Variants in MYO5C observed in about 807,000 individuals in gnomAD.
MYO5C encodes the protein unconventional myosin-Vc.
A neutral mutation model predicts 235.7 loss-of-function variants in MYO5C; 194 were observed. The observed-to-expected ratio is 0.82, with a 90% CI of 0.73 to 0.93. The LOEUF (loss-of-function observed/expected upper bound fraction) is 0.93, where lower values mean the gene tolerates loss of function less well. Ranked by LOEUF, MYO5C falls within the 40% of genes least tolerant of loss-of-function variation. The pLI, the probability that MYO5C is intolerant of heterozygous loss-of-function variation, is 0.00. For synonymous variants in MYO5C, 707 were observed against 754.8 expected, an observed-to-expected ratio of 0.94 and a Z score of 1.04; for missense variants, 2,038 against 2,127.2, an observed-to-expected ratio of 0.96 and a Z score of 0.82.
At chr15:52,251,212 A>G (rs2036465349) in intron 13 of MYO5C, 178 bp downstream of exon 13, 1 of 450,754 alleles carries the variant, frequency 2.2e-6, no homozygotes, top group Non-Finnish European at 3.7e-6. Flanking sequence ...AAAGTAGTAC[A>G]GTTGGAACTC....
intron 35 of MYO5C, among the ~76,000 whole-genome samples, chr15:52,210,455 T>A (rs1347516757): frequency 6.6e-6 from 1 of 152,190 alleles, no homozygotes; most frequent in East Asian, 1.9e-4. Flanking sequence ...CCCCTTCCAA[T>A]ATGGATCAGT....
At chr15:52,203,864 A>C (rs1281563659) in intron 38 of MYO5C, among the ~76,000 whole-genome samples, 1 of 152,080 alleles carries the variant, frequency 6.6e-6, no homozygotes, top group Non-Finnish European at 1.5e-5. Context: ...TAGCTCCCAC[A>C]AATAAGTGAG....
intron 16 of MYO5C, among the ~76,000 whole-genome samples, chr15:52,246,568 A>C (rs2036349391): frequency 6.6e-6 from 1 of 152,236 alleles, no homozygotes; most frequent in Non-Finnish European, 1.5e-5. Flanking sequence ...CCAGAGAACA[A>C]GAATAATGCC....
chr15:52,230,533 C>T (rs936362473), intron 24 of MYO5C, among the ~76,000 whole-genome samples: 2 of 151,870 alleles, frequency 1.3e-5, no homozygotes, highest in South Asian at 2.1e-4. Context: ...CTCAGCCTCC[C>T]GAGTAGCTGG....
intron 25 of MYO5C, among the ~76,000 whole-genome samples, chr15:52,227,212 T>TTTTA (rs2035845559): frequency 1.6e-5 from 2 of 128,368 alleles, no homozygotes; most frequent in Admixed American, 7.8e-5. Context: ...TTTTTTTTGT[T>TTTTA]GAGACGGAGT....
chr15:52,223,953 T>C (rs1387770052), intron 28 of MYO5C, among the ~76,000 whole-genome samples: 2 of 152,064 alleles, frequency 1.3e-5, no homozygotes, highest in Non-Finnish European at 2.9e-5. Context: ...ATGAAGAAAA[T>C]TTTAGAAGTT....
intron 8 of MYO5C, among the ~76,000 whole-genome samples, chr15:52,269,326 A>G (rs1239072549): frequency 6.6e-6 from 1 of 152,174 alleles, no homozygotes; most frequent in Non-Finnish European, 1.5e-5. Context: ...GTTTTGTCCT[A>G]AAATTAGAAT....
chr15:52,219,779 CTCT>C lies in MYO5C; in HGVS notation c.3762_3764del (p.Glu1257del). The C allele has an allele frequency of 6.2e-7, 1 of 1,612,648 alleles. No homozygotes were observed. The highest frequency in any genetic ancestry group is 8.5e-7 in the Non-Finnish European group (1 of 1,179,058). ...CTTACTTTCTTTGTGTTCCTTCCTC[CTCT>C]TGACTGCGATGTAACTGATTAGACA... On this transcript the variant is annotated inframe_deletion, in exon 31 of 41. Coordinates refer to ENST00000261839, the MANE Select transcript of MYO5C (RefSeq NM_018728.4).
In MYO5C at chr15:52,253,462, G is replaced by C. The variant is rs2036515839; in HGVS notation, c.1396-5C>G. ...TTGTTCCAGTTTGAAGACATGCTGG[G>C]AATCCAAAGTTAATACAGAAAGTAA... On this transcript the variant is annotated splice_polypyrimidine_tract_variant and splice_region_variant and intron_variant, in intron 11 of 40. Coordinates refer to ENST00000261839, the MANE Select transcript of MYO5C (RefSeq NM_018728.4). 2 of 1,610,792 alleles carry C rather than the reference G, an allele frequency of 1.2e-6. No individual in the cohort carries two copies. The highest frequency in any genetic ancestry group is 1.7e-6 in the Non-Finnish European group (2 of 1,178,858).
In MYO5C at chr15:52,266,677, T is replaced by C. The variant is rs566689172; in HGVS notation, c.941-2381A>G. Among the ~76,000 whole-genome samples, 23 of 152,264 alleles carry C rather than the reference T, an allele frequency of 1.5e-4. No homozygotes were observed. In the South Asian group the frequency reaches 4.6e-3, roughly 30 times the overall value. ...TTAGGGAACTCACCCGAGGTCACAC[T>C]GGGTAAGGTATATCTAAGCAGTTTA... On this transcript the variant is annotated intron_variant, in intron 8 of 40. Coordinates refer to ENST00000261839, the MANE Select transcript of MYO5C (RefSeq NM_018728.4).
At chr15:52,291,731 GTTTTT>G (rs1196328559) in intron 1 of MYO5C, among the ~76,000 whole-genome samples, 1,000 of 52,528 alleles carry the variant, frequency 0.019, 10 homozygotes, top group Middle Eastern at 0.031. Context: ...CATATTTTAT[GTTTTT>G]TTTTTTTTTT....
chr15:52,195,160 A>G (rs2141252358), intron 40 of MYO5C, among the ~76,000 whole-genome samples: 1 of 152,328 alleles, frequency 6.6e-6, no homozygotes, highest in African/African-American at 2.4e-5. Flanking sequence ...CACGGGAGAC[A>G]TGATTTTGGT....
At chr15:52,237,020 CCAGA>C (rs10618480) in intron 22 of MYO5C, 104,668 of 151,940 alleles carry the variant, frequency 0.69, 39,317 homozygotes, top group Non-Finnish European at 0.84. Flanking sequence ...GGCTGCCCAG[CCAGA>C]CAAAGGCAAG....
intron 28 of MYO5C, among the ~76,000 whole-genome samples, chr15:52,224,335 G>A (rs1186498107): frequency 5.3e-5 from 8 of 152,146 alleles, no homozygotes; most frequent in South Asian, 2.1e-4. Context: ...TTGTGGATAC[G>A]AGTCATTATA....
chr15:52,294,910 G>C (rs1396207188), intron 1 of MYO5C, among the ~76,000 whole-genome samples: 4 of 152,186 alleles, frequency 2.6e-5, no homozygotes, highest in African/African-American at 9.7e-5. Context: ...TTGTACTGTT[G>C]CTAACAGTAC....
intron 31 of MYO5C, 59 bp downstream of exon 31, chr15:52,219,698 TAC>T: frequency 7.5e-7 from 1 of 1,331,952 alleles, no homozygotes; most frequent in Non-Finnish European, 1.1e-6. Flanking sequence ...TGGTATATTC[TAC>T]AGTTTCAGAA....
chr15:52,240,729 C>G (rs1364932362), intron 20 of MYO5C, among the ~76,000 whole-genome samples: 2 of 151,974 alleles, frequency 1.3e-5, no homozygotes, highest in African/African-American at 4.8e-5. Flanking sequence ...GAGACCTTGT[C>G]TCAAAAATAA....
At chr15:52,251,876 G>A (rs1403962889) in intron 12 of MYO5C, among the ~76,000 whole-genome samples, 1 of 152,000 alleles carries the variant, frequency 6.6e-6, no homozygotes, top group Non-Finnish European at 1.5e-5. Context: ...TGTTGGCCAG[G>A]CTGGCCTCCA....
chr15:52,226,358 C>T (rs1418132832), intron 25 of MYO5C, among the ~76,000 whole-genome samples: 1 of 152,136 alleles, frequency 6.6e-6, no homozygotes, highest in Admixed American at 6.6e-5. Flanking sequence ...GGGGAAGAGG[C>T]AGTATTCTGC....
Sources: gnomAD v4.1 joint callset for allele counts (sites outside exome capture counted in the v4.1 genomes callset) on GRCh38, gnomAD v4.1.1 for gene constraint, MANE v1.5 for transcripts, NCBI Gene and HGNC (gene_info 2026-07-23, HGNC 2026-07-21) for gene names.